Variants in AGAP1 observed in about 807,000 individuals in gnomAD.
AGAP1 encodes arf-GAP with GTPase, ANK repeat and PH domain-containing protein 1.
A neutral mutation model predicts 105.3 loss-of-function variants in AGAP1; 29 were observed. That is an observed-to-expected ratio of 0.28 (90% CI 0.21 to 0.38). AGAP1 has a LOEUF of 0.38. Ranked by LOEUF, AGAP1 falls within the 10% of genes least tolerant of loss-of-function variation. The pLI, the probability that AGAP1 is intolerant of heterozygous loss-of-function variation, is 1.00. For missense variants in AGAP1, 998 were observed against 1,165.1 expected, an observed-to-expected ratio of 0.86 and a Z score of 2.09; for synonymous variants, 509 against 485.9, an observed-to-expected ratio of 1.05 and a Z score of -0.63.
intron 16 of AGAP1, among the ~76,000 whole-genome samples, chr2:236,098,946 A>T (rs1360592854): frequency 6.6e-6 from 1 of 151,628 alleles, no homozygotes; most frequent in East Asian, 2.0e-4. Flanking sequence ...AGGCCTCCAA[A>T]CATCCTAGTG....
At chr2:235,526,333 G>A (rs1942838373) in intron 1 of AGAP1, among the ~76,000 whole-genome samples, 1 of 152,212 alleles carries the variant, frequency 6.6e-6, no homozygotes, top group Non-Finnish European at 1.5e-5. Flanking sequence ...ACAGGAACCT[G>A]CAGACCAGCT....
rs1157084435 is a variant in AGAP1 at position 236,105,026 on chromosome 2, A to C, written c.2115-15166A>C. Among the ~76,000 whole-genome samples, 2 of 152,082 alleles carry C rather than the reference A, an allele frequency of 1.3e-5. No individual in the cohort carries two copies. ...ACCAACTCCACTCTGGCAGGTTAGC[A>C]TCAGGAGAGACACTGTCCTGGCTGC... On this transcript the variant is annotated intron_variant, in intron 16 of 17. Coordinates refer to ENST00000304032, the MANE Select transcript of AGAP1 (RefSeq NM_001037131.3). The surrounding 1 kb of genome is among the most constrained non-coding windows in gnomAD (Gnocchi z 4.2).
intron 11 of AGAP1, among the ~76,000 whole-genome samples, chr2:235,925,418 C>T (rs1264675795): frequency 6.6e-6 from 1 of 152,006 alleles, no homozygotes; most frequent in Non-Finnish European, 1.5e-5. Context: ...TGAGGTGGTC[C>T]CTGATGGAGA....
intron 6 of AGAP1, among the ~76,000 whole-genome samples, chr2:235,759,410 C>A (rs1261711978): frequency 1.3e-5 from 2 of 152,094 alleles, no homozygotes; most frequent in African/African-American, 4.8e-5. Context: ...ACCTCGTGAT[C>A]CGCCCGCCTT....
chr2:235,605,596 A>G (rs1415060854), intron 1 of AGAP1, among the ~76,000 whole-genome samples: 3 of 152,142 alleles, frequency 2.0e-5, no homozygotes, highest in Non-Finnish European at 4.4e-5. Flanking sequence ...TATTCAAGAC[A>G]CCCTAAGGGA....
At position 236,059,579 on chromosome 2, in the gene AGAP1, A is replaced by G. The variant is rs1281632295; in HGVS notation, c.2114+10298A>G. Reference sequence around the variant, plus strand: ...TGATTTCAGAATTTACTGCAAAAGCATGGTGATCCAAGCCTGTGTGATATT... The same window carrying G: ...TGATTTCAGAATTTACTGCAAAAGCGTGGTGATCCAAGCCTGTGTGATATT... On this transcript the variant is annotated intron_variant, in intron 16 of 17. Transcript: ENST00000304032. 2.6e-5 allele frequency among the ~76,000 whole-genome samples: 4 copies of G among 152,240 alleles called. No individual in the cohort carries two copies. The East Asian group carries it at 5.8e-4, about 22-fold the overall frequency.
At chr2:235,501,286 T>C (rs1033222770) in intron 1 of AGAP1, among the ~76,000 whole-genome samples, 19 of 152,234 alleles carry the variant, frequency 1.2e-4, no homozygotes, top group African/African-American at 4.6e-4. Flanking sequence ...TCTAGACTCA[T>C]TCTGTGGTTT....
chr2:235,499,244 G>A (rs778873570), intron 1 of AGAP1, among the ~76,000 whole-genome samples: 2 of 152,122 alleles, frequency 1.3e-5, no homozygotes, highest in Non-Finnish European at 2.9e-5. Context: ...GCTTGTTTCC[G>A]CCACCCAAGG....
At chr2:235,925,958 G>T (rs1425985844) in intron 11 of AGAP1, among the ~76,000 whole-genome samples, 1 of 152,216 alleles carries the variant, frequency 6.6e-6, no homozygotes, top group African/African-American at 2.4e-5. Flanking sequence ...TCCAGTGAGT[G>T]AAAACAGTTG....
At chr2:235,589,942 G>T (rs1050158429) in intron 1 of AGAP1, among the ~76,000 whole-genome samples, 2 of 151,810 alleles carry the variant, frequency 1.3e-5, no homozygotes, top group African/African-American at 2.4e-5. Flanking sequence ...GTGCAGTGGT[G>T]CAATCTCAGC....
chr2:235,830,478 A>G lies in AGAP1; in HGVS notation c.1050+23147A>G, dbSNP rs566084580. ...TTTTTCAAAGTATTCATTTCATTAA[A>G]CATCCCATCAGAAAGCCTCTGATAG... On this transcript the variant is annotated intron_variant, in intron 9 of 17. Transcript: ENST00000304032. The surrounding 1 kb of genome is among the most constrained non-coding windows in gnomAD (Gnocchi z 5.5). Among the ~76,000 whole-genome samples, 27 of 152,156 alleles carry G rather than the reference A, an allele frequency of 1.8e-4. No homozygotes were observed. The highest frequency in any genetic ancestry group is 3.1e-4 in the Non-Finnish European group (21 of 68,044).
chr2:235,791,424 C>CTT (rs895950244), intron 6 of AGAP1, among the ~76,000 whole-genome samples: 5 of 151,730 alleles, frequency 3.3e-5, no homozygotes, highest in African/African-American at 9.7e-5. Flanking sequence ...CTTTTCTTTT[C>CTT]TTTTTTTTGT....
chr2:235,978,379 C>G (rs2054946541), intron 13 of AGAP1, among the ~76,000 whole-genome samples: 1 of 152,140 alleles, frequency 6.6e-6, no homozygotes, highest in African/African-American at 2.4e-5. Flanking sequence ...GCTGTCCTTT[C>G]CCCTTCACTC....
chr2:236,028,521 T>C (rs2057125832), intron 13 of AGAP1, among the ~76,000 whole-genome samples: 1 of 152,240 alleles, frequency 6.6e-6, no homozygotes, highest in African/African-American at 2.4e-5. Flanking sequence ...TAAATACGAT[T>C]TTTGTTTGCT....
At chr2:235,916,311 A>G (rs1270358912) in intron 11 of AGAP1, among the ~76,000 whole-genome samples, 2 of 152,188 alleles carry the variant, frequency 1.3e-5, no homozygotes, top group African/African-American at 4.8e-5. Context: ...TTAAGTTGCC[A>G]TTCTAATGAG....
At chr2:235,995,729 A>G (rs1022337423) in intron 13 of AGAP1, among the ~76,000 whole-genome samples, 6 of 152,128 alleles carry the variant, frequency 3.9e-5, no homozygotes, top group Non-Finnish European at 7.4e-5. Context: ...CCTATTGAGG[A>G]TTCCATCTCT....
intron 1 of AGAP1, among the ~76,000 whole-genome samples, chr2:235,687,172 C>T (rs1949494954): frequency 6.6e-6 from 1 of 152,190 alleles, no homozygotes; most frequent in Non-Finnish European, 1.5e-5. Context: ...TAAAAGTAAA[C>T]ATTGTTCTCA....
At position 236,020,795 on chromosome 2, in the gene AGAP1, G is replaced by C. The variant is rs1388580382; in HGVS notation, c.1646-15766G>C. ...AGAATATCTGTGGACTATTCAGTAG[G>C]CCTTTTTAATGTATCGGTACAGAGC... On this transcript the variant is annotated intron_variant, in intron 13 of 17. Coordinates refer to ENST00000304032, the MANE Select transcript of AGAP1 (RefSeq NM_001037131.3). The surrounding 1 kb of genome is among the most constrained non-coding windows in gnomAD (Gnocchi z 5.0). Among the ~76,000 whole-genome samples the C allele has an allele frequency of 6.6e-6, 1 of 152,156 alleles. No homozygotes were observed. The highest frequency in any genetic ancestry group is 2.4e-5 in the African/African-American group (1 of 41,434).
intron 1 of AGAP1, among the ~76,000 whole-genome samples, chr2:235,649,299 G>C (rs535107942): frequency 7.9e-5 from 12 of 152,316 alleles, no homozygotes; most frequent in Middle Eastern, 3.4e-3. Flanking sequence ...TATTAACACA[G>C]ATTCCTGGGC....
Sources: allele counts gnomAD v4.1 joint callset (sites outside exome capture counted in the v4.1 genomes callset), GRCh38; gene constraint gnomAD v4.1.1; non-coding constraint Gnocchi (gnomAD v3.1); transcripts MANE v1.5; gene names NCBI Gene and HGNC (gene_info 2026-07-23, HGNC 2026-07-21).